HRH2: variants seen among roughly 807,000 people sequenced by gnomAD.
HRH2 encodes histamine receptor H2.
A neutral mutation model predicts 20.1 loss-of-function variants in HRH2; 4 were observed. That is an observed-to-expected ratio of 0.20 (90% confidence interval 0.10 to 0.45). The LOEUF is 0.45. HRH2 is among the 20% of genes least tolerant of loss of function. The pLI, the probability that HRH2 is intolerant of heterozygous loss-of-function variation, is 0.99. For missense variants in HRH2, 250 were observed against 461.6 expected (o/e 0.54, Z 4.20); for synonymous variants, 197 against 200.7 (o/e 0.98, Z 0.16).
At chr5:175,690,312 C>T (rs1443334765) in intron 2 of HRH2, among the ~76,000 whole-genome samples, 1 of 152,116 alleles carries the variant, frequency 6.6e-6, no homozygotes, top group Admixed American at 6.5e-5. Flanking sequence ...CTAGTATGAG[C>T]CATGGCCACA....
rs772777952 is a variant in HRH2, at chr5:175,686,162, C to G, written c.1076+1853C>G. On this transcript the variant is annotated intron_variant, in intron 2 of 2. Coordinates refer to ENST00000636584, the MANE Select transcript of HRH2 (RefSeq NM_001367711.1). The surrounding 1 kb of genome is among the most constrained non-coding windows in gnomAD (Gnocchi z 4.7). ...CACCTACCATATCCTTGCGCAATCT[C>G]TTATTCAGGAGGCAGCTGGAGTGCA... 3 of 152,290 alleles carry G rather than the reference C, an allele frequency of 2.0e-5. No individual in the cohort carries two copies. Among genetic ancestry groups the G allele is most frequent in the Non-Finnish European group, 4.4e-5 (3 of 68,046 alleles). 9.4% of individuals were successfully genotyped at this position (152,290 alleles called of 1,614,324 possible). A position where few individuals can be genotyped will look rare whatever the true frequency, so the allele number is the denominator to read the frequency against.
intron 2 of HRH2, among the ~76,000 whole-genome samples, chr5:175,698,845 T>C (rs528765220): frequency 1.3e-5 from 2 of 152,316 alleles, no homozygotes; most frequent in African/African-American, 2.4e-5. Flanking sequence ...TTCACCTCAT[T>C]GGGTGCAAAA....
At position 175,688,336 on chromosome 5, in the gene HRH2, G is replaced by A. The variant is rs184805543; in HGVS notation, c.1076+4027G>A. On this transcript the variant is annotated intron_variant, in intron 2 of 2. Coordinates refer to ENST00000636584, the MANE Select transcript of HRH2 (RefSeq NM_001367711.1). ...CCCACAAGTCCCAACCCTCTGGCCC[G>A]TCCTGATTTGGTCCCTGCCCCCTGT... Among the ~76,000 whole-genome samples, 438 of 152,218 alleles carry A rather than the reference G, an allele frequency of 2.9e-3. 5 individuals carry two copies. Among genetic ancestry groups the A allele is most frequent in the African/African-American group, 9.4e-3 (392 of 41,512 alleles).
intron 1 of HRH2, among the ~76,000 whole-genome samples, chr5:175,662,930 G>A (rs920478609): frequency 6.6e-6 from 1 of 152,224 alleles, no homozygotes; most frequent in East Asian, 1.9e-4. Context: ...TCATACAATA[G>A]GTTTTGTGAC....
intron 1 of HRH2, among the ~76,000 whole-genome samples, chr5:175,673,231 A>ATG (rs1389341620): frequency 4.0e-5 from 6 of 151,836 alleles, no homozygotes; most frequent in African/African-American, 7.2e-5. Context: ...AGGAGAGTAG[A>ATG]TGTGTGTGTG....
rs144079123 is a variant in HRH2 at position 175,680,456 on chromosome 5, T to C, written c.-525-2253T>C. 8.2e-3 allele frequency among the ~76,000 whole-genome samples: 1,252 copies of C among 152,324 alleles called. 19 individuals carry two copies. The highest frequency in any genetic ancestry group is 0.029 in the African/African-American group (1,186 of 41,568). Reference sequence around the variant, plus strand: ...CTGGTGGAGGGGCTCAGGTGTGTGGTGGCTCTGATTTTTGGCCCTTTCTGT... The same window carrying C: ...CTGGTGGAGGGGCTCAGGTGTGTGGCGGCTCTGATTTTTGGCCCTTTCTGT... On this transcript the variant is annotated intron_variant, in intron 1 of 2. Transcript: ENST00000636584.
At chr5:175,685,797 G>A (rs983843782) in intron 2 of HRH2, 9 of 406,782 alleles carry the variant, frequency 2.2e-5, no homozygotes, top group South Asian at 7.0e-5. Context: ...ATAAGTCCAC[G>A]CTGGAGCGCT....
chr5:175,695,726 C>T (rs1475360117), intron 2 of HRH2, among the ~76,000 whole-genome samples: 1 of 152,166 alleles, frequency 6.6e-6, no homozygotes, highest in Non-Finnish European at 1.5e-5. Flanking sequence ...AGAAGTGCTG[C>T]GGGGGCAGCA....
In HRH2 at chr5:175,676,383, G is replaced by C. The variant is rs562545220; in HGVS notation, c.-525-6326G>C. ...CCGCCCTCAGAGCCAAAGCTCCAGT[G>C]TCCCAGTTCCCACACCTGTGTGGCC... On this transcript the variant is annotated intron_variant, in intron 1 of 2. Coordinates refer to ENST00000636584, the MANE Select transcript of HRH2 (RefSeq NM_001367711.1). Among the ~76,000 whole-genome samples the C allele has an allele frequency of 1.1e-4, 17 of 152,326 alleles. No homozygotes were observed. The East Asian group carries it at 3.3e-3, about 29-fold the overall frequency.
At chr5:175,685,413 T>C (rs767960271) in intron 2 of HRH2, 4 of 1,551,056 alleles carry the variant, frequency 2.6e-6, no homozygotes, top group Middle Eastern at 1.7e-4. Flanking sequence ...CCACAGACCA[T>C]GGCTTTGCCT....
chr5:175,697,011 T>G (rs951665521), intron 2 of HRH2, among the ~76,000 whole-genome samples: 1 of 152,194 alleles, frequency 6.6e-6, no homozygotes, highest in African/African-American at 2.4e-5. Context: ...CTGTGTGACC[T>G]CGGTCAGGGC....
intron 1 of HRH2, among the ~76,000 whole-genome samples, chr5:175,667,777 C>A (rs555232340): frequency 6.6e-6 from 1 of 152,238 alleles, no homozygotes; most frequent in Non-Finnish European, 1.5e-5. Context: ...TAGTTTTGAA[C>A]ATATAGGTCA....
intron 2 of HRH2, among the ~76,000 whole-genome samples, chr5:175,689,186 G>C (rs1252757391): frequency 6.6e-6 from 1 of 152,118 alleles, no homozygotes; most frequent in Non-Finnish European, 1.5e-5. Context: ...TTCTCCTATT[G>C]CTTAGAGTAA....
chr5:175,680,980 T>C (rs1321396546), intron 1 of HRH2, among the ~76,000 whole-genome samples: 1 of 152,056 alleles, frequency 6.6e-6, no homozygotes, highest in Non-Finnish European at 1.5e-5. Flanking sequence ...GATTTTCTAA[T>C]TATAAGAGAG....
At chr5:175,696,473 T>C (rs1756581197) in intron 2 of HRH2, among the ~76,000 whole-genome samples, 1 of 118,130 alleles carries the variant, frequency 8.5e-6, no homozygotes, top group South Asian at 3.1e-4. Flanking sequence ...TGACTGAAGT[T>C]CTTTGGGCCA....
rs889147004 is a variant in HRH2 at position 175,710,154 on chromosome 5, C to T, written c.*2183C>T. 1 of 152,532 alleles carries T rather than the reference C, an allele frequency of 6.6e-6. No homozygotes were observed. Among genetic ancestry groups the T allele is most frequent in the African/African-American group, 2.4e-5 (1 of 41,454 alleles). The allele number at this position is 152,532 out of a possible 1,614,324, so 9.4% of individuals were successfully genotyped here. ...ACTGGCATGGCTGTTTGCGTGATTC[C>T]TTGAACGTTGTCTGTCTCTCCTCCT... On this transcript the variant is annotated 3_prime_UTR_variant, in exon 3 of 3. Coordinates refer to ENST00000636584, the MANE Select transcript of HRH2 (RefSeq NM_001367711.1).
intron 2 of HRH2, among the ~76,000 whole-genome samples, chr5:175,688,669 G>C (rs576974484): frequency 6.6e-6 from 1 of 152,214 alleles, no homozygotes; most frequent in Non-Finnish European, 1.5e-5. Flanking sequence ...CCAAAGCCTA[G>C]ACTCTAGGAC....
intron 2 of HRH2, among the ~76,000 whole-genome samples, chr5:175,699,291 A>G (rs975715855): frequency 6.6e-6 from 1 of 152,216 alleles, no homozygotes; most frequent in African/African-American, 2.4e-5. Flanking sequence ...CAACCAAAAA[A>G]TAAGTATGGC....
intron 2 of HRH2, among the ~76,000 whole-genome samples, chr5:175,702,855 C>T (rs1756833566): frequency 1.3e-5 from 2 of 151,878 alleles, no homozygotes; most frequent in Admixed American, 6.6e-5. Context: ...GCGTGAGCCA[C>T]TGTGCCCAAC....
Sources: allele counts gnomAD v4.1 joint callset (sites outside exome capture counted in the v4.1 genomes callset), GRCh38; gene constraint gnomAD v4.1.1; non-coding constraint Gnocchi (gnomAD v3.1); transcripts MANE v1.5; gene names NCBI Gene and HGNC (gene_info 2026-07-23, HGNC 2026-07-21).